Variants in COLEC11 observed in about 807,000 individuals in gnomAD.
COLEC11 encodes collectin subfamily member 11, also known as collectin-11.
A neutral mutation model predicts 27.3 loss-of-function variants in COLEC11; 20 were observed. That is an observed-to-expected ratio of 0.73 (90% CI 0.51 to 1.06). The LOEUF (loss-of-function observed/expected upper bound fraction) is 1.06. Among genes scored for constraint, COLEC11 ranks in the 50% least tolerant of loss-of-function variants. The pLI is 0.00. For synonymous variants in COLEC11, 163 were observed against 154.7 expected, an observed-to-expected ratio of 1.05 and a Z score of -0.40; for missense variants, 310 against 383.0, an observed-to-expected ratio of 0.81 and a Z score of 1.59.
rs76490827 is a variant in COLEC11, at chr2:3,626,019, A to G, written c.203-11514A>G. ...ATTGTATTTACTTTTTCCAGCAGTCACAGCCAGTCGTGACAGCTTCTGACA... is the reference window on the plus strand; with the variant it reads ...ATTGTATTTACTTTTTCCAGCAGTCGCAGCCAGTCGTGACAGCTTCTGACA... On this transcript the variant is annotated intron_variant, in intron 3 of 6. Coordinates refer to ENST00000349077, the MANE Select transcript of COLEC11 (RefSeq NM_024027.5). 8.7e-3 allele frequency: 14,078 copies of G among 1,613,668 alleles called. 211 individuals carry two copies. The highest frequency in any genetic ancestry group is 0.054 in the Middle Eastern group (328 of 6,060).
At chr2:3,639,723 C>G (rs978961839) in intron 4 of COLEC11, among the ~76,000 whole-genome samples, 1 of 151,964 alleles carries the variant, frequency 6.6e-6, no homozygotes, top group Non-Finnish European at 1.5e-5. Context: ...GGTGGCTTGT[C>G]CCATCTAACT....
intron 2 of COLEC11, chr2:3,606,245 T>TC: frequency 6.5e-7 from 1 of 1,550,008 alleles, no homozygotes. Context: ...CCCTGCCAGG[T>TC]CAGTAGCCTG....
intron 4 of COLEC11, 101 bp from the exon 5 acceptor site, chr2:3,640,177 A>T: frequency 1.3e-6 from 1 of 782,482 alleles, no homozygotes; most frequent in Non-Finnish European, 2.3e-6. Context: ...AGGGCCTGGG[A>T]TAAATCCGCG....
intron 1 of COLEC11, among the ~76,000 whole-genome samples, chr2:3,601,539 T>C (rs1427055510): frequency 1.3e-5 from 2 of 152,180 alleles, no homozygotes; most frequent in African/African-American, 4.8e-5. Flanking sequence ...AGCAATCTGC[T>C]GGCCTTGGCC....
At chr2:3,637,502 C>T (rs759539291) in intron 3 of COLEC11, 31 bp from the exon 4 acceptor site, 59 of 1,597,832 alleles carry the variant, frequency 3.7e-5, no homozygotes, top group Middle Eastern at 1.7e-4. Flanking sequence ...ACCTGTGCAT[C>T]GACCAACTTT....
intron 1 of COLEC11, chr2:3,603,777 C>T (rs1662418017): frequency 3.0e-6 from 3 of 1,002,392 alleles, no homozygotes; most frequent in South Asian, 1.4e-5. Flanking sequence ...GCTCCTCTCT[C>T]CTTACTGATC....
At chr2:3,635,358 T>C (rs1479267078) in intron 3 of COLEC11, among the ~76,000 whole-genome samples, 2 of 151,882 alleles carry the variant, frequency 1.3e-5, no homozygotes, top group East Asian at 3.9e-4. Flanking sequence ...ACCCCCAGCC[T>C]GCTCTGCCCT....
rs555275522 is a variant in COLEC11, at chr2:3,599,559, C to T, written c.-27+4391C>T. 3.8e-4 allele frequency among the ~76,000 whole-genome samples: 58 copies of T among 152,362 alleles called. 1 individual carries two copies. The highest frequency in any genetic ancestry group is 1.2e-3 in the African/African-American group (51 of 41,582). On this transcript the variant is annotated intron_variant, in intron 1 of 6. Coordinates refer to ENST00000349077, the MANE Select transcript of COLEC11 (RefSeq NM_024027.5). Reference sequence around the variant, plus strand: ...TCACGGTGCCACACGCATTAATTACCGCTGCAATCCCTTCAAATAGCCTAT... The same window carrying T: ...TCACGGTGCCACACGCATTAATTACTGCTGCAATCCCTTCAAATAGCCTAT...
intron 5 of COLEC11, among the ~76,000 whole-genome samples, chr2:3,642,311 G>A (rs1436936487): frequency 6.6e-6 from 1 of 152,198 alleles, no homozygotes; most frequent in African/African-American, 2.4e-5. Context: ...GGAGCAGCAC[G>A]CGTGTGGTCA....
chr2:3,610,077 C>T (rs534651076), intron 2 of COLEC11, among the ~76,000 whole-genome samples: 3 of 152,260 alleles, frequency 2.0e-5, no homozygotes, highest in South Asian at 2.1e-4. Context: ...GGAGAGGAGA[C>T]GAGGGTGAGT....
chr2:3,603,778 C>T (rs547990999), intron 1 of COLEC11: 1 of 999,404 alleles, frequency 1.0e-6, no homozygotes, highest in African/African-American at 1.6e-5. Context: ...CTCCTCTCTC[C>T]TTACTGATCT....
At chr2:3,631,234 A>G in intron 3 of COLEC11, among the ~76,000 whole-genome samples, 1 of 152,138 alleles carries the variant, frequency 6.6e-6, no homozygotes, top group Non-Finnish European at 1.5e-5. Flanking sequence ...CTGTATCAAA[A>G]AAAAAAGAAA....
intron 1 of COLEC11, among the ~76,000 whole-genome samples, chr2:3,596,561 A>C (rs1175810462): frequency 6.6e-6 from 1 of 151,250 alleles, no homozygotes; most frequent in African/African-American, 2.4e-5. Flanking sequence ...CTGCTCTCGA[A>C]CTCCTAACCA....
chr2:3,597,183 G>A (rs915727219), intron 1 of COLEC11, among the ~76,000 whole-genome samples: 1 of 152,056 alleles, frequency 6.6e-6, no homozygotes, highest in African/African-American at 2.4e-5. Flanking sequence ...TGAATGGAGT[G>A]AAGGCACAAG....
intron 3 of COLEC11, among the ~76,000 whole-genome samples, chr2:3,617,344 T>G (rs1663837503): frequency 6.6e-6 from 1 of 152,194 alleles, no homozygotes; most frequent in African/African-American, 2.4e-5. Context: ...TGCAAGTTCT[T>G]TCCTTCCCTG....
At chr2:3,604,962 G>C in intron 2 of COLEC11, 1 of 432,016 alleles carries the variant, frequency 2.3e-6, no homozygotes, top group Non-Finnish European at 4.7e-6. Context: ...AAAAAGACAG[G>C]AACTTTTTTT....
At chr2:3,599,815 C>T (rs1398876745) in intron 1 of COLEC11, among the ~76,000 whole-genome samples, 6 of 152,232 alleles carry the variant, frequency 3.9e-5, no homozygotes, top group Admixed American at 1.3e-4. Flanking sequence ...TGTGCCCTTC[C>T]TCTCCCAGCA....
intron 5 of COLEC11, among the ~76,000 whole-genome samples, chr2:3,642,845 C>T (rs1383199641): frequency 6.6e-6 from 1 of 152,170 alleles, no homozygotes; most frequent in African/African-American, 2.4e-5. Context: ...GGTGATGCTG[C>T]TCTGTCCTCC....
intron 3 of COLEC11, among the ~76,000 whole-genome samples, chr2:3,628,720 G>A (rs1664751657): frequency 6.6e-6 from 1 of 152,240 alleles, no homozygotes; most frequent in African/African-American, 2.4e-5. Context: ...AATCACCGAG[G>A]AAGCTGAATT....
Sources: gnomAD v4.1 joint callset for allele counts (sites outside exome capture counted in the v4.1 genomes callset) on GRCh38, gnomAD v4.1.1 for gene constraint, MANE v1.5 for transcripts, NCBI Gene and HGNC (gene_info 2026-07-23, HGNC 2026-07-21) for gene names.